Variants in PRRC2C observed in about 807,000 individuals in gnomAD.
The protein encoded by PRRC2C is protein PRRC2C.
Under a neutral mutation model 317.2 loss-of-function variants are expected in PRRC2C, and 72 were observed. The observed-to-expected ratio is 0.23, with a 90% CI of 0.19 to 0.28. PRRC2C has a LOEUF of 0.28. Ranked by LOEUF, PRRC2C falls within the 10% of genes least tolerant of loss-of-function variation. PRRC2C has a pLI of 1.00. For synonymous variants in PRRC2C, 1,296 were observed against 1,205.9 expected, an observed-to-expected ratio of 1.07 and a Z score of -1.55; for missense variants, 3,074 against 3,459.7, an observed-to-expected ratio of 0.89 and a Z score of 2.80.
rs57131009 is a variant in PRRC2C at position 171,545,709 on chromosome 1, TTTTA to T, written c.4972+58_4972+61del. On this transcript the variant is annotated intron_variant, in intron 17 of 34. Coordinates refer to ENST00000647382, the MANE Select transcript of PRRC2C (RefSeq NM_001387844.1). Reference sequence around the variant, plus strand: ...GCAAGTATGTCTTAGGTTTCTTTCATTTTATTTATTTATTTATTTATTTATTTAT... The same window carrying T: ...GCAAGTATGTCTTAGGTTTCTTTCATTTTATTTATTTATTTATTTATTTAT... 7.8e-3 allele frequency: 6,246 copies of T among 803,786 alleles called. 38 individuals carry two copies. The highest frequency in any genetic ancestry group is 0.026 in the African/African-American group (1,319 of 50,730). The allele number at this position is 803,786 out of a possible 1,614,324, so 49.8% of individuals were successfully genotyped here.
At chr1:171,561,257 C>T (rs987568374) in intron 20 of PRRC2C, among the ~76,000 whole-genome samples, 154 bp downstream of exon 20, 3 of 151,954 alleles carry the variant, frequency 2.0e-5, no homozygotes, top group Non-Finnish European at 4.4e-5. Context: ...TAGTGAGACC[C>T]GCCTGGGCAA....
chr1:171,570,040 C>A lies in PRRC2C; in HGVS notation c.6652-1280C>A, dbSNP rs145813429. Among the ~76,000 whole-genome samples, 1,244 of 152,192 alleles carry A rather than the reference C, an allele frequency of 8.2e-3. 65 individuals carry two copies. Among genetic ancestry groups the A allele is most frequent in the Admixed American group, 0.072 (1,107 of 15,290 alleles). Reference sequence around the variant, plus strand: ...GCCTCATATATAGGTGAATAGTCTGCATGCAGTTGTTAGCAGTGTAGCCAG... The same window carrying A: ...GCCTCATATATAGGTGAATAGTCTGAATGCAGTTGTTAGCAGTGTAGCCAG... On this transcript the variant is annotated intron_variant, in intron 23 of 34. Coordinates refer to ENST00000647382, the MANE Select transcript of PRRC2C (RefSeq NM_001387844.1).
intron 1 of PRRC2C, among the ~76,000 whole-genome samples, chr1:171,496,555 C>A (rs1668134981): frequency 6.6e-6 from 1 of 152,036 alleles, no homozygotes; most frequent in Non-Finnish European, 1.5e-5. Context: ...TACCATATTC[C>A]TTCATTCAGA....
At chr1:171,522,960 G>A (rs1036661347) in intron 7 of PRRC2C, among the ~76,000 whole-genome samples, 3 of 147,868 alleles carry the variant, frequency 2.0e-5, no homozygotes, top group Non-Finnish European at 3.0e-5. Flanking sequence ...TATTCATATC[G>A]TTATCCTTTT....
intron 20 of PRRC2C, among the ~76,000 whole-genome samples, chr1:171,564,279 C>T (rs1276377931): frequency 2.6e-5 from 4 of 152,138 alleles, no homozygotes; most frequent in African/African-American, 7.2e-5. Context: ...ATTGTCTAAG[C>T]TTTTATCATT....
rs534237826 is a variant in PRRC2C, at chr1:171,517,584, A to G, written c.527-7A>G. 2.1e-5 allele frequency: 34 copies of G among 1,609,142 alleles called. No individual in the cohort carries two copies. The East Asian group carries it at 6.7e-4, about 32-fold the overall frequency. On this transcript the variant is annotated splice_region_variant and splice_polypyrimidine_tract_variant and intron_variant, in intron 5 of 34. Transcript: ENST00000647382. ...TCTTTTTCCTTTTTTCTCTGCCTTC[A>G]TACTAGATGTTGCTTGTTGGAGAGA...
At chr1:171,526,366 C>G (rs1199486224) in intron 10 of PRRC2C, among the ~76,000 whole-genome samples, 1 of 152,188 alleles carries the variant, frequency 6.6e-6, no homozygotes, top group East Asian at 1.9e-4. Context: ...GAGACAGAGC[C>G]TTGCTCTTTC....
intron 9 of PRRC2C, 111 bp from the exon 10 acceptor site, chr1:171,524,710 C>T: frequency 8.8e-7 from 1 of 1,131,108 alleles, no homozygotes; most frequent in Non-Finnish European, 1.2e-6. Flanking sequence ...TTCCTTAATA[C>T]ATTTCCCCCC....
chr1:171,505,796 T>C (rs1225271259), intron 1 of PRRC2C, among the ~76,000 whole-genome samples: 1 of 152,244 alleles, frequency 6.6e-6, no homozygotes, highest in Non-Finnish European at 1.5e-5. Context: ...ATCCACATCA[T>C]GCACTGCATA....
chr1:171,537,950 G>A (rs1677150960), intron 15 of PRRC2C, among the ~76,000 whole-genome samples: 1 of 152,056 alleles, frequency 6.6e-6, no homozygotes, highest in Non-Finnish European at 1.5e-5. Flanking sequence ...TCCCAGGCTG[G>A]AGTGCAGTGG....
In PRRC2C at chr1:171,591,605, G is replaced by T; in HGVS notation, c.8455G>T (p.Val2819Phe). The change falls in exon 35 of 35, where the codon GTT becomes TTT. Residue 2819 changes from valine (V) to phenylalanine (F), a missense_variant. Physicochemically the swap from Val to Phe is conservative, Grantham distance 50. Around this residue, in one of 11 missense-constraint regions of PRRC2C, gnomAD observed 78 missense variants for 97.7 expected, o/e 0.80. Transcript: ENST00000647382. ...QDMKAKQRAE[V>F]LQSTQRFFSE... ...TTTTAAGGCAAAGCAGAGAGCAGAG[G>T]TTCTTCAGTCCACGCAACGGTTCTT... is the stretch of plus-strand genomic sequence containing the variant. The T allele has an allele frequency of 6.2e-7, 1 of 1,613,764 alleles. No homozygotes were observed. Among genetic ancestry groups the T allele is most frequent in the Non-Finnish European group, 8.5e-7 (1 of 1,179,802 alleles).
rs79619964 is a variant in PRRC2C, at chr1:171,498,244, A to G, written c.-58+12509A>G. 3.0e-3 allele frequency among the ~76,000 whole-genome samples: 458 copies of G among 152,230 alleles called. 1 individual carries two copies. Among genetic ancestry groups the G allele is most frequent in the African/African-American group, 0.011 (439 of 41,526 alleles). ...TCTCTTAGTCCATTCATGCTGCTGTAACAAAATGCCTGAGACTGGGTAACT... is the reference window on the plus strand; with the variant it reads ...TCTCTTAGTCCATTCATGCTGCTGTGACAAAATGCCTGAGACTGGGTAACT... On this transcript the variant is annotated intron_variant, in intron 1 of 34. Transcript: ENST00000647382.
intron 34 of PRRC2C, chr1:171,591,235 A>G: frequency 2.0e-6 from 2 of 1,006,090 alleles, no homozygotes; most frequent in Middle Eastern, 4.9e-4. Flanking sequence ...CTTCCTTTTC[A>G]TTTTATTGTA....
In PRRC2C at chr1:171,517,830, T is replaced by C. The variant is rs1485396922; in HGVS notation, c.750+16T>C. ...GCCTCCTTATGTGAGTATTGTTAAA[T>C]GAACAAGCATTCAAACAAGTGGTTT... On this transcript the variant is annotated intron_variant, in intron 6 of 34. Coordinates refer to ENST00000647382, the MANE Select transcript of PRRC2C (RefSeq NM_001387844.1). 5.0e-6 allele frequency: 8 copies of C among 1,595,910 alleles called. No homozygotes were observed. Among genetic ancestry groups the C allele is most frequent in the Non-Finnish European group, 6.9e-6 (8 of 1,167,442 alleles).
In PRRC2C at chr1:171,566,431, C is replaced by T. The variant is rs1361389801; in HGVS notation, c.6306+10C>T. On this transcript the variant is annotated intron_variant, in intron 21 of 34. Transcript: ENST00000647382. ...TATCAAAGCCCAGAAGGTAAATATA[C>T]TTTATAATCCAGATAAAATTTTATG... 4.5e-6 allele frequency: 7 copies of T among 1,542,590 alleles called. No individual in the cohort carries two copies. The highest frequency in any genetic ancestry group is 5.2e-6 in the Non-Finnish European group (6 of 1,144,670).
At chr1:171,569,583 T>TATATATATATATATATATATATATATAG (rs1684351830) in intron 23 of PRRC2C, among the ~76,000 whole-genome samples, 1 of 126,364 alleles carries the variant, frequency 7.9e-6, no homozygotes, top group East Asian at 2.6e-4. Context: ...TAAATATATA[T>TATATATATATATATATATATATATATAG]ATATATATAT....
At chr1:171,560,437 TAAAC>T (rs1459981154) in intron 19 of PRRC2C, among the ~76,000 whole-genome samples, 3 of 152,174 alleles carry the variant, frequency 2.0e-5, no homozygotes, top group African/African-American at 7.2e-5. Flanking sequence ...ACCATATGGG[TAAAC>T]AGTATCACAT....
At position 171,579,408 on chromosome 1, in the gene PRRC2C, C is replaced by T; in HGVS notation, c.7214C>T (p.Ala2405Val). 6.2e-7 allele frequency: 1 copy of T among 1,613,942 alleles called. No individual in the cohort carries two copies. The highest frequency in any genetic ancestry group is 8.5e-7 in the Non-Finnish European group (1 of 1,179,874). ...AGTCATTTATTCAATACCCAACATG[C>T]ACGATTGGCTCCGCCATCCTTGGCT... ...DTSHLFNTQH[A>V]RLAPPSLAQQ... The change falls in exon 27 of 35, where the codon GCA becomes GTA. Residue 2405 changes from alanine (A) to valine (V), a missense_variant. By Grantham distance (64) the Ala-to-Val change is moderately conservative. Coordinates refer to ENST00000647382, the MANE Select transcript of PRRC2C (RefSeq NM_001387844.1).
intron 7 of PRRC2C, 89 bp from the exon 8 acceptor site, chr1:171,523,132 T>C: frequency 7.9e-7 from 1 of 1,262,404 alleles, no homozygotes; most frequent in Non-Finnish European, 1.1e-6. Flanking sequence ...AACACTAATG[T>C]TGAAATGAAC....
Sources: allele counts gnomAD v4.1 joint callset (sites outside exome capture counted in the v4.1 genomes callset), GRCh38; gene constraint gnomAD v4.1.1; regional missense constraint gnomAD v4.1.1; transcripts MANE v1.5; gene names NCBI Gene and HGNC (gene_info 2026-07-23, HGNC 2026-07-21).